FAM135B: variants seen among roughly 807,000 people sequenced by gnomAD.
The protein encoded by FAM135B is protein FAM135B.
A neutral mutation model predicts 127.7 loss-of-function variants in FAM135B; 43 were observed. The observed-to-expected ratio is 0.34, with a 90% confidence interval of 0.26 to 0.43. FAM135B has a LOEUF of 0.43. Among genes scored for constraint, FAM135B ranks in the 20% least tolerant of loss-of-function variants. The pLI, the probability that FAM135B is intolerant of heterozygous loss-of-function variation, is 1.00. For synonymous variants in FAM135B, 670 were observed against 665.1 expected (o/e 1.01, Z -0.11); for missense variants, 1,558 against 1,725.6 (o/e 0.90, Z 1.72).
rs550712343 is a variant in FAM135B, at chr8:138,142,052, A to T, written c.3639-703T>A. Among the ~76,000 whole-genome samples the T allele has an allele frequency of 3.9e-5, 6 of 152,186 alleles. No individual in the cohort carries two copies. The South Asian group carries it at 8.3e-4, about 21-fold the overall frequency. On this transcript the variant is annotated intron_variant, in intron 16 of 19. Coordinates refer to ENST00000395297, the MANE Select transcript of FAM135B (RefSeq NM_015912.4). ...TAGCTTTTCTTTTATTCTTTTTTTT[A>T]AAAATCTAACCTCTATAGGCTTCAT... is the stretch of plus-strand genomic sequence containing the variant.
intron 3 of FAM135B, among the ~76,000 whole-genome samples, chr8:138,282,236 G>A (rs575816776): frequency 6.6e-6 from 1 of 152,246 alleles, no homozygotes; most frequent in South Asian, 2.1e-4. Flanking sequence ...AGATAATACA[G>A]AGAAATATTT....
intron 1 of FAM135B, among the ~76,000 whole-genome samples, chr8:138,442,066 A>T (rs993197510): frequency 6.6e-6 from 1 of 151,428 alleles, no homozygotes; most frequent in African/African-American, 2.4e-5. Context: ...AAACGATGTG[A>T]AGGACCATTG....
intron 1 of FAM135B, among the ~76,000 whole-genome samples, chr8:138,462,791 G>C (rs377710573): frequency 2.6e-5 from 4 of 152,186 alleles, no homozygotes; most frequent in Non-Finnish European, 4.4e-5. Flanking sequence ...AGGTCAAGAC[G>C]TGGAAATGAG....
chr8:138,138,893 A>T (rs1486483628), intron 18 of FAM135B, 93 bp downstream of exon 18: 1 of 843,166 alleles, frequency 1.2e-6, no homozygotes, highest in East Asian at 2.5e-5. Flanking sequence ...CCCTTCTGTG[A>T]GTGAATCAAT....
chr8:138,427,032 A>G (rs1048210369), intron 1 of FAM135B, among the ~76,000 whole-genome samples: 1 of 152,056 alleles, frequency 6.6e-6, no homozygotes, highest in African/African-American at 2.4e-5. Flanking sequence ...TTTGAGCAAA[A>G]GAAGCCAAAC....
At chr8:138,472,783 C>T (rs1019656861) in intron 1 of FAM135B, among the ~76,000 whole-genome samples, 3 of 152,130 alleles carry the variant, frequency 2.0e-5, no homozygotes, top group Non-Finnish European at 4.4e-5. Flanking sequence ...GGGAGTCCCA[C>T]GTTTAGAAGG....
chr8:138,251,696 G>A (rs1312235337), intron 5 of FAM135B, among the ~76,000 whole-genome samples: 4 of 152,064 alleles, frequency 2.6e-5, no homozygotes, highest in Non-Finnish European at 4.4e-5. Flanking sequence ...ACTGGCACAC[G>A]ACCCAACAGC....
At chr8:138,484,521 T>G (rs995863576) in intron 1 of FAM135B, among the ~76,000 whole-genome samples, 1 of 152,194 alleles carries the variant, frequency 6.6e-6, no homozygotes, top group Non-Finnish European at 1.5e-5. Flanking sequence ...GCTTTTATTT[T>G]TTTAGGGCTA....
At chr8:138,159,072 A>ACCAT (rs2130839046) in intron 12 of FAM135B, among the ~76,000 whole-genome samples, 1 of 150,434 alleles carries the variant, frequency 6.6e-6, no homozygotes. Context: ...GGAGATCGAG[A>ACCAT]CCATCCTGGC....
chr8:138,180,469 A>C (rs1814907897), intron 9 of FAM135B, among the ~76,000 whole-genome samples: 1 of 152,130 alleles, frequency 6.6e-6, no homozygotes, highest in African/African-American at 2.4e-5. Flanking sequence ...CAGTTTTCCC[A>C]TCTGTAAAGT....
At chr8:138,271,043 A>G (rs1484096667) in intron 3 of FAM135B, among the ~76,000 whole-genome samples, 1 of 152,202 alleles carries the variant, frequency 6.6e-6, no homozygotes, top group African/African-American at 2.4e-5. Context: ...ATTCATTTCT[A>G]TCCTAAACTA....
chr8:138,218,766 CAGAGAG>C (rs34578685), intron 7 of FAM135B, among the ~76,000 whole-genome samples: 1,060 of 80,476 alleles, frequency 0.013, 7 homozygotes, highest in South Asian at 0.033. Flanking sequence ...CACACACACA[CAGAGAG>C]AGAGAGAGAG....
At chr8:138,159,498 G>A (rs1181192581) in intron 12 of FAM135B, among the ~76,000 whole-genome samples, 7 of 149,848 alleles carry the variant, frequency 4.7e-5, no homozygotes, top group African/African-American at 7.4e-5. Flanking sequence ...GCAAACTATC[G>A]CAAGGACAGA....
At chr8:138,374,238 C>T (rs749445489) in intron 1 of FAM135B, among the ~76,000 whole-genome samples, 17 of 152,282 alleles carry the variant, frequency 1.1e-4, no homozygotes, top group Non-Finnish European at 1.6e-4. Context: ...AAAGAACCTA[C>T]GTGACTCTTG....
chr8:138,240,290 C>T (rs959313588), intron 7 of FAM135B, among the ~76,000 whole-genome samples: 10 of 152,104 alleles, frequency 6.6e-5, no homozygotes, highest in Non-Finnish European at 1.3e-4. Flanking sequence ...TTGGCTGGGC[C>T]GTGCTCAGAT....
At position 138,130,164 on chromosome 8, in the gene FAM135B, C is replaced by T. The variant is rs146380955; in HGVS notation, c.*2429G>A. ...GCATTTTGTTTATAATTTTTACAAT[C>T]AATAATAGAATGTCCCTGTTTTACA... On this transcript the variant is annotated 3_prime_UTR_variant, in exon 20 of 20. Transcript: ENST00000395297. 6.9e-4 allele frequency: 104 copies of T among 150,774 alleles called. No homozygotes were observed. The East Asian group carries it at 0.019, about 27-fold the overall frequency. The allele number at this position is 150,774 out of a possible 1,614,324, so 9.3% of individuals were successfully genotyped here.
chr8:138,316,843 G>A (rs1193790938), intron 2 of FAM135B, among the ~76,000 whole-genome samples: 2 of 151,522 alleles, frequency 1.3e-5, no homozygotes, highest in Non-Finnish European at 1.5e-5. Flanking sequence ...AGCCGGGCGT[G>A]GTGGTGGGCG....
rs1270570384 is a variant in FAM135B, at chr8:138,141,904, A to G, written c.3639-555T>C. On this transcript the variant is annotated intron_variant, in intron 16 of 19. Transcript: ENST00000395297. The surrounding 1 kb of genome is among the most constrained non-coding windows in gnomAD (Gnocchi z 4.7). Reference sequence around the variant, plus strand: ...CGTGTTCAATGAATCATTATTCTCAAGTTAAATACTTATTTATTGAGAGCC... The same window carrying G: ...CGTGTTCAATGAATCATTATTCTCAGGTTAAATACTTATTTATTGAGAGCC... Among the ~76,000 whole-genome samples the G allele has an allele frequency of 6.6e-6, 1 of 152,068 alleles. No individual in the cohort carries two copies. The highest frequency in any genetic ancestry group is 2.4e-5 in the African/African-American group (1 of 41,366).
intron 1 of FAM135B, among the ~76,000 whole-genome samples, chr8:138,420,472 G>A (rs1834428452): frequency 6.6e-6 from 1 of 151,694 alleles, no homozygotes; most frequent in South Asian, 2.1e-4. Flanking sequence ...AAACATCAAG[G>A]AGTAGGGACT....
Sources: allele counts gnomAD v4.1 joint callset (sites outside exome capture counted in the v4.1 genomes callset), GRCh38; gene constraint gnomAD v4.1.1; non-coding constraint Gnocchi (gnomAD v3.1); transcripts MANE v1.5; gene names NCBI Gene and HGNC (gene_info 2026-07-23, HGNC 2026-07-21).